NKIRAS2: variants seen among roughly 807,000 people sequenced by gnomAD.
The protein encoded by NKIRAS2 is NF-kappa-B inhibitor-interacting Ras-like protein 2.
NKIRAS2 carries 15 observed loss-of-function variants against 20.7 expected under a neutral mutation model. The ratio of observed to expected loss-of-function variants is 0.73; its 90% CI spans 0.49 to 1.12. NKIRAS2 has a LOEUF of 1.12. NKIRAS2 is among the 50% of genes most tolerant of loss of function. NKIRAS2 has a pLI of 0.00. For synonymous variants in NKIRAS2, 116 were observed against 101.4 expected (o/e 1.14, Z -0.87); for missense variants, 196 against 249.6 (o/e 0.79, Z 1.45).
Position 42,022,588 on chromosome 17 carries a change from A to C in NKIRAS2, c.284A>C (p.Gln95Pro). ...AGCACAGATAGCAGAGAGTCTTTTC[A>C]GCGTGTGGAGCTGCTCAAGAAGGAG... ...VYSTDSRESFQRVELLKKEID... is the reference protein window; with the variant it reads ...VYSTDSRESFPRVELLKKEID... Residue 95 changes from glutamine to proline, a missense_variant, in exon 3 of 4, where the codon CAG becomes CCG. Coordinates refer to ENST00000393885, the MANE Select transcript of NKIRAS2 (RefSeq NM_017595.6). The C allele has an allele frequency of 6.2e-7, 1 of 1,614,056 alleles. No individual in the cohort carries two copies. The highest frequency in any genetic ancestry group is 8.5e-7 in the Non-Finnish European group (1 of 1,179,960).
chr17:42,021,785 G>T, intron 2 of NKIRAS2, 114 bp downstream of exon 2: 1 of 952,764 alleles, frequency 1.0e-6, no homozygotes, highest in East Asian at 2.4e-5. Flanking sequence ...CCCCCTGGAA[G>T]AATAAAACTT....
At chr17:42,017,909 C>G (rs1238605511), upstream of NKIRAS2, among the ~76,000 whole-genome samples, 2 of 152,100 alleles carry the variant, frequency 1.3e-5, no homozygotes, top group Admixed American at 6.5e-5. Flanking sequence ...CTCAGTTCCC[C>G]CAGCTTTCAT....
At chr17:42,020,287 C>G (rs1567977431) in intron 1 of NKIRAS2, 83 bp downstream of exon 1, 1 of 152,446 alleles carries the variant, frequency 6.6e-6, no homozygotes, top group African/African-American at 2.4e-5. Flanking sequence ...GTCTCTGCCT[C>G]TCATTCCCTC....
rs1266516509 is a variant in NKIRAS2, at chr17:42,023,972, G to A, written c.*79G>A. On this transcript the variant is annotated 3_prime_UTR_variant, in exon 4 of 4. Coordinates refer to ENST00000393885, the MANE Select transcript of NKIRAS2 (RefSeq NM_017595.6). ...TGGTAGATGTGTTGAGGGCAAAGTA[G>A]AGGACAAGCTGTCTTTCCCAGTCAG... 1 of 1,553,014 alleles carries A rather than the reference G, an allele frequency of 6.4e-7. No homozygotes were observed. The highest frequency in any genetic ancestry group is 8.7e-7 in the Non-Finnish European group (1 of 1,152,016).
chr17:42,023,221 A>G, intron 3 of NKIRAS2: 1 of 224,340 alleles, frequency 4.5e-6, no homozygotes, highest in Non-Finnish European at 9.2e-6. Context: ...CTGGTCTCAA[A>G]CTCCTGGACT....
intron 1 of NKIRAS2, 112 bp from the exon 2 acceptor site, chr17:42,021,452 C>T: frequency 1.2e-6 from 1 of 809,570 alleles, no homozygotes; most frequent in Non-Finnish European, 2.1e-6. Context: ...GACGTTCTGC[C>T]TTCTGTTTTT....
In NKIRAS2 at chr17:42,025,637, A is replaced by G. The variant is rs1235580810; in HGVS notation, c.*1744A>G. Reference sequence around the variant, plus strand: ...ACACAATAAAACCACAATTGTTATCAAAAAGTTTCCCTCCCCTCCCCCTTT... The same window carrying G: ...ACACAATAAAACCACAATTGTTATCGAAAAGTTTCCCTCCCCTCCCCCTTT... On this transcript the variant is annotated 3_prime_UTR_variant, in exon 4 of 4. Transcript: ENST00000393885. The G allele has an allele frequency of 6.6e-6, 1 of 152,662 alleles. No individual in the cohort carries two copies. The highest frequency in any genetic ancestry group is 2.4e-5 in the African/African-American group (1 of 41,450). 9.5% of individuals were successfully genotyped at this position (152,662 alleles called of 1,614,324 possible).
chr17:42,022,413 G>C lies in NKIRAS2; in HGVS notation c.109G>C (p.Glu37Gln). ...GNHVVGSEMI[E>Q]TQEDIYVGSI... is the part of the protein sequence containing the mutation. ...TTTTATACCAGGTTCGGAGATGATC[G>C]AGACGCAGGAGGACATCTACGTGGG... Residue 37 changes from glutamate (E) to glutamine (Q), a missense_variant, in exon 3 of 4, where the codon GAG (glutamate) becomes CAG (glutamine). By Grantham distance (29) the Glu-to-Gln change is conservative. Transcript: ENST00000393885. The C allele has an allele frequency of 5.7e-6, 9 of 1,586,028 alleles. No individual in the cohort carries two copies. Among genetic ancestry groups the C allele is most frequent in the Non-Finnish European group, 7.8e-6 (9 of 1,160,852 alleles).
intron 3 of NKIRAS2, 100 bp downstream of exon 3, chr17:42,022,740 G>GT: frequency 6.9e-7 from 1 of 1,446,304 alleles, no homozygotes; most frequent in Non-Finnish European, 9.3e-7. Flanking sequence ...TCACTCCAAG[G>GT]TGAGTTAGGA....
chr17:42,023,953 A>G lies in NKIRAS2; in HGVS notation c.*60A>G. On this transcript the variant is annotated 3_prime_UTR_variant, in exon 4 of 4. Transcript: ENST00000393885. ...ATTTCAGTGTCTGGGGCTCTGGTAG[A>G]TGTGTTGAGGGCAAAGTAGAGGACA... The G allele has an allele frequency of 6.3e-7, 1 of 1,588,812 alleles. No individual in the cohort carries two copies. The highest frequency in any genetic ancestry group is 8.6e-7 in the Non-Finnish European group (1 of 1,167,396).
Position 42,024,511 on chromosome 17 carries a change from C to T in NKIRAS2, c.*618C>T, listed in dbSNP as rs782302819. 29 of 153,614 alleles carry T rather than the reference C, an allele frequency of 1.9e-4. No individual in the cohort carries two copies. Among genetic ancestry groups the T allele is most frequent in the Admixed American group, 8.4e-4 (13 of 15,558 alleles). 9.5% of individuals were successfully genotyped at this position (153,614 alleles called of 1,614,324 possible). On this transcript the variant is annotated 3_prime_UTR_variant, in exon 4 of 4. Coordinates refer to ENST00000393885, the MANE Select transcript of NKIRAS2 (RefSeq NM_017595.6). The stretch of plus-strand genomic sequence containing the variant: ...CCCCTGGCTGGGCTCAGTGGCTCAC[C>T]CCTGTAATCCCAGCACTTTGGGAGG...
rs2052532161 is a variant in NKIRAS2 at position 42,024,531 on chromosome 17, G to C, written c.*638G>C. 2.0e-5 allele frequency: 3 copies of C among 153,006 alleles called. No individual in the cohort carries two copies. The highest frequency in any genetic ancestry group is 1.3e-4 in the Admixed American group (2 of 15,386). 9.5% of individuals were successfully genotyped at this position (153,006 alleles called of 1,614,324 possible). ...CTCACCCCTGTAATCCCAGCACTTTGGGAGGCCAAGGCGGGTCGATTACTT... is the reference window on the plus strand; with the variant it reads ...CTCACCCCTGTAATCCCAGCACTTTCGGAGGCCAAGGCGGGTCGATTACTT... On this transcript the variant is annotated 3_prime_UTR_variant, in exon 4 of 4. Coordinates refer to ENST00000393885, the MANE Select transcript of NKIRAS2 (RefSeq NM_017595.6).
Position 42,025,218 on chromosome 17 carries a change from T to G in NKIRAS2, c.*1325T>G, listed in dbSNP as rs1326123603. On this transcript the variant is annotated 3_prime_UTR_variant, in exon 4 of 4. Transcript: ENST00000393885. Reference sequence around the variant, plus strand: ...TTTCAGCTCAGAGCTGGACTTCTATTTATAAGTTACCTGTATTTATATTTA... The same window carrying G: ...TTTCAGCTCAGAGCTGGACTTCTATGTATAAGTTACCTGTATTTATATTTA... 6.6e-6 allele frequency: 1 copy of G among 152,602 alleles called. No individual in the cohort carries two copies. The highest frequency in any genetic ancestry group is 1.5e-5 in the Non-Finnish European group (1 of 68,038). The allele number at this position is 152,602 out of a possible 1,614,324, so 9.5% of individuals were successfully genotyped here.
intron 2 of NKIRAS2, 154 bp from the exon 3 acceptor site, chr17:42,022,245 C>A: frequency 1.3e-6 from 1 of 761,146 alleles, no homozygotes; most frequent in Non-Finnish European, 2.1e-6. Flanking sequence ...TTCCCCTAAA[C>A]CCAAATCATT....
upstream of NKIRAS2, among the ~76,000 whole-genome samples, chr17:42,019,229 C>T (rs1329735713): frequency 6.6e-6 from 1 of 152,114 alleles, no homozygotes; most frequent in Non-Finnish European, 1.5e-5. Flanking sequence ...GCTATGATCA[C>T]ACCAATGTAC....
chr17:42,020,239 A>G (rs2052407582), intron 1 of NKIRAS2, 35 bp downstream of exon 1: 1 of 152,262 alleles, frequency 6.6e-6, no homozygotes, highest in South Asian at 2.1e-4. Context: ...GTCCGGCGCT[A>G]GGATCGGCCT....
chr17:42,024,543 C>T lies in NKIRAS2; in HGVS notation c.*650C>T, dbSNP rs1555653847. ...ATCCCAGCACTTTGGGAGGCCAAGG[C>T]GGGTCGATTACTTGAGGTCAGGAGT... is the stretch of plus-strand genomic sequence containing the variant. On this transcript the variant is annotated 3_prime_UTR_variant, in exon 4 of 4. Transcript: ENST00000393885. The T allele has an allele frequency of 6.6e-6, 1 of 152,562 alleles. No individual in the cohort carries two copies. Among genetic ancestry groups the T allele is most frequent in the South Asian group, 2.0e-4 (1 of 4,898 alleles). 9.5% of individuals were successfully genotyped at this position (152,562 alleles called of 1,614,324 possible). A position where few individuals can be genotyped will look rare whatever the true frequency, so the allele number is the denominator to read the frequency against.
chr17:42,020,395 G>C (rs2052412613), intron 1 of NKIRAS2, 191 bp downstream of exon 1: 1 of 152,488 alleles, frequency 6.6e-6, no homozygotes, highest in Non-Finnish European at 1.5e-5. Flanking sequence ...GAGGGGGTCT[G>C]TGTCAGGAGC....
intron 3 of NKIRAS2, chr17:42,023,111 C>A: frequency 2.9e-6 from 1 of 345,250 alleles, no homozygotes; most frequent in Admixed American, 3.2e-5. Context: ...TTAGGTGGTC[C>A]TCCTGCCTCA....
Sources: gnomAD v4.1 joint callset for allele counts (sites outside exome capture counted in the v4.1 genomes callset) on GRCh38, gnomAD v4.1.1 for gene constraint, MANE v1.5 for transcripts, NCBI Gene and HGNC (gene_info 2026-07-23, HGNC 2026-07-21) for gene names.